The following DIAPH2 variants were observed in gnomAD, a reference collection of about 807,000 sequenced individuals.
The protein encoded by DIAPH2 is diaphanous related formin 2.
In DIAPH2, 35 loss-of-function variants were observed where a neutral mutation model predicts 92.7. The observed-to-expected ratio is 0.38, with a 90% CI of 0.29 to 0.50. The LOEUF is 0.50. Ranked by LOEUF, DIAPH2 falls within the 20% of genes least tolerant of loss-of-function variation. DIAPH2 has a pLI of 0.94. For synonymous variants in DIAPH2, 301 were observed against 280.4 expected, an observed-to-expected ratio of 1.07 and a Z score of -0.73; for missense variants, 701 against 819.5, an observed-to-expected ratio of 0.86 and a Z score of 1.77.
chrX:97,250,385 C>T (rs1569340972), intron 23 of DIAPH2, among the ~76,000 whole-genome samples: 1 of 112,055 alleles, frequency 8.9e-6, no homozygotes, highest in East Asian at 2.8e-4. Context: ...CTGTAGTTAG[C>T]AGCAATGGCA....
chrX:97,457,974 G>C (rs928580326), intron 26 of DIAPH2, among the ~76,000 whole-genome samples: 1 of 111,850 alleles, frequency 8.9e-6, no homozygotes, highest in Non-Finnish European at 1.9e-5. Context: ...AGCCCAAATG[G>C]ACTAAGACAA....
intron 26 of DIAPH2, among the ~76,000 whole-genome samples, chrX:97,477,620 A>G (rs1163798585): frequency 9.1e-6 from 1 of 109,907 alleles, no homozygotes; most frequent in African/African-American, 3.4e-5. Flanking sequence ...AAATCTATCT[A>G]TCTATCTATA....
chrX:97,573,475 C>G (rs1393781458), intron 26 of DIAPH2, among the ~76,000 whole-genome samples: 1 of 110,774 alleles, frequency 9.0e-6, no homozygotes, highest in Non-Finnish European at 1.9e-5. Flanking sequence ...AATAAAGATA[C>G]TCTCAAGCAT....
chrX:97,008,327 A>G (rs1406190393), intron 17 of DIAPH2, among the ~76,000 whole-genome samples: 1 of 109,636 alleles, frequency 9.1e-6, no homozygotes, highest in Non-Finnish European at 1.9e-5. Context: ...TCTCTGTGTT[A>G]TCTTGAATTT....
intron 26 of DIAPH2, chrX:97,469,848 T>A (rs2070547590): frequency 8.9e-7 from 1 of 1,127,148 alleles, no homozygotes; most frequent in African/African-American, 1.8e-5. Context: ...ATTCATTTTG[T>A]CTGGTGCTCT....
In DIAPH2 at chrX:97,166,616, G is replaced by A. The variant is rs186930766; in HGVS notation, c.2719+24822G>A. 3.6e-5 allele frequency among the ~76,000 whole-genome samples: 4 copies of A among 111,858 alleles called. No individual in the cohort carries two copies. The East Asian group carries it at 8.4e-4, about 24-fold the overall frequency. On this transcript the variant is annotated intron_variant, in intron 22 of 26. Coordinates refer to ENST00000324765, the MANE Select transcript of DIAPH2 (RefSeq NM_006729.5). The stretch of plus-strand genomic sequence containing the variant: ...TGTGTTTCATATTTTTTAAGTGCTG[G>A]TTAGTAAAGACTTTAAAAAACTCAT...
At chrX:97,047,254 G>A (rs1193478960) in intron 17 of DIAPH2, among the ~76,000 whole-genome samples, 1 of 110,779 alleles carries the variant, frequency 9.0e-6, no homozygotes, top group Non-Finnish European at 1.9e-5. Context: ...ATAGAACGAT[G>A]ACTGAATGAA....
At chrX:97,330,085 TTGTGTG>T (rs367920689) in intron 23 of DIAPH2, among the ~76,000 whole-genome samples, 3 of 94,859 alleles carry the variant, frequency 3.2e-5, no homozygotes, top group Non-Finnish European at 6.3e-5. Context: ...GATTTGGTGT[TTGTGTG>T]TGTGTGTGTG....
chrX:97,449,670 A>T lies in DIAPH2; in HGVS notation c.3241+19925A>T. 4.0e-6 allele frequency: 3 copies of T among 751,297 alleles called. No individual in the cohort carries two copies. The South Asian group carries it at 2.0e-4, about 51-fold the overall frequency. 61.9% of individuals were successfully genotyped at this position (751,297 alleles called of 1,213,427 possible). A position where few individuals can be genotyped will look rare whatever the true frequency, so the allele number is the denominator to read the frequency against. On this transcript the variant is annotated intron_variant, in intron 26 of 26. Coordinates refer to ENST00000324765, the MANE Select transcript of DIAPH2 (RefSeq NM_006729.5). ...TCCTATTATAATCCCAGGGAATTTC[A>T]TCTGACTAAATCTCCACTCAGACGA...
intron 26 of DIAPH2, among the ~76,000 whole-genome samples, chrX:97,541,709 GCA>G (rs2071141685): frequency 8.9e-6 from 1 of 111,977 alleles, no homozygotes; most frequent in Non-Finnish European, 1.9e-5. Flanking sequence ...GTGTATATGT[GCA>G]CACACATGTG....
At chrX:96,941,966 A>G in intron 12 of DIAPH2, 52 bp from the exon 13 acceptor site, 3 of 680,979 alleles carry the variant, frequency 4.4e-6, no homozygotes, top group Non-Finnish European at 4.6e-6. Context: ...TCTAAAGCAA[A>G]TTGATCTGCA....
intron 22 of DIAPH2, among the ~76,000 whole-genome samples, chrX:97,232,090 T>C (rs2068013535): frequency 1.8e-5 from 2 of 111,266 alleles, no homozygotes; most frequent in African/African-American, 6.5e-5. Flanking sequence ...CATCAGACTT[T>C]GTCATCACAT....
At chrX:97,396,614 C>T (rs973740925) in intron 25 of DIAPH2, among the ~76,000 whole-genome samples, 44 of 110,927 alleles carry the variant, frequency 4.0e-4, no homozygotes, top group African/African-American at 1.3e-3. Flanking sequence ...CCAGTCTGGG[C>T]GACAGAGTGA....
At chrX:97,553,492 G>T (rs1039882572) in intron 26 of DIAPH2, among the ~76,000 whole-genome samples, 1 of 110,361 alleles carries the variant, frequency 9.1e-6, no homozygotes, top group Non-Finnish European at 1.9e-5. Flanking sequence ...TGTTTTACTG[G>T]GGATATTGTA....
At chrX:96,995,539 A>G (rs1420679593) in intron 17 of DIAPH2, among the ~76,000 whole-genome samples, 1 of 111,482 alleles carries the variant, frequency 9.0e-6, no homozygotes, top group Admixed American at 9.5e-5. Context: ...CCACATTTCA[A>G]AATAAAATTG....
chrX:97,588,996 A>AATATATATATAT (rs199558439), intron 26 of DIAPH2, among the ~76,000 whole-genome samples: 4,219 of 31,529 alleles, frequency 0.13, 600 homozygotes, highest in Non-Finnish European at 0.19. Context: ...ATATTATAGA[A>AATATATATATAT]ATATATATAT....
chrX:96,957,043 C>T (rs373083990), intron 15 of DIAPH2, among the ~76,000 whole-genome samples: 17 of 112,429 alleles, frequency 1.5e-4, no homozygotes, highest in Non-Finnish European at 2.6e-4. Flanking sequence ...TTCTTTGAGA[C>T]GGAGTCTCGC....
Position 96,945,740 on chromosome X carries a change from A to G in DIAPH2, c.1509+149A>G, listed in dbSNP as rs778552475. The G allele has an allele frequency of 5.6e-4, 214 of 383,313 alleles. 1 individual carries two copies. Among genetic ancestry groups the G allele is most frequent in the African/African-American group, 5.1e-3 (190 of 37,161 alleles). The allele number at this position is 383,313 out of a possible 1,213,427, so 31.6% of individuals were successfully genotyped here. A position where few individuals can be genotyped will look rare whatever the true frequency, so the allele number is the denominator to read the frequency against. On this transcript the variant is annotated intron_variant, in intron 14 of 26. Transcript: ENST00000324765. ...GTTCAAACATAGCCGTGGAATATTGATTTATTTCCTTATAAGGTAAGGTTG... is the reference window on the plus strand; with the variant it reads ...GTTCAAACATAGCCGTGGAATATTGGTTTATTTCCTTATAAGGTAAGGTTG...
At chrX:96,836,575 T>C (rs369399054) in intron 4 of DIAPH2, among the ~76,000 whole-genome samples, 3 of 103,696 alleles carry the variant, frequency 2.9e-5, no homozygotes, top group East Asian at 5.9e-4. Flanking sequence ...ATTATACTCA[T>C]TACAGAATAG....
Sources: gnomAD v4.1 joint callset for allele counts (sites outside exome capture counted in the v4.1 genomes callset) on GRCh38, gnomAD v4.1.1 for gene constraint, MANE v1.5 for transcripts, NCBI Gene and HGNC (gene_info 2026-07-23, HGNC 2026-07-21) for gene names.